Variants in EARS2 observed in about 807,000 individuals in gnomAD.
EARS2 encodes the protein glutamyl-tRNA synthetase 2, mitochondrial.
Under a neutral mutation model 54.1 loss-of-function variants are expected in EARS2, and 50 were observed. The observed-to-expected ratio is 0.92, with a 90% CI of 0.74 to 1.17. The LOEUF (loss-of-function observed/expected upper bound fraction) is 1.17. Among genes scored for constraint, EARS2 ranks in the 50% most tolerant of loss-of-function variants. EARS2 has a pLI of 0.00. For missense variants in EARS2, 673 were observed against 675.0 expected (o/e 1.00, Z 0.03); for synonymous variants, 298 against 281.0 (o/e 1.06, Z -0.61).
At position 23,544,680 on chromosome 16, in the gene EARS2, G is replaced by A. The variant is rs1355685453; in HGVS notation, c.319C>T (p.Arg107Cys). Residue 107 changes from arginine (R) to cysteine (C), a missense_variant, in exon 3 of 9, where the codon CGC becomes TGC. By Grantham distance (180) the Arg-to-Cys change is radical. Transcript: ENST00000449606. ...TAGGGCCCAGCAGGACCGCCCCGGC[G>A]GGGGCTCTCATCAGGCGGGATGCCT... The part of the protein sequence containing the change: ...WAGIPPDESP[R>C]RGGPAGPYQQ... 8.1e-6 allele frequency: 13 copies of A among 1,605,774 alleles called. No homozygotes were observed. The highest frequency in any genetic ancestry group is 5.1e-5 in the Admixed American group (3 of 58,644).
Position 23,557,347 on chromosome 16 carries a change from G to C in EARS2, c.-4C>G, listed in dbSNP as rs1965818789. On this transcript the variant is annotated 5_prime_UTR_variant, in exon 1 of 9. Transcript: ENST00000449606. The stretch of plus-strand genomic sequence containing the variant: ...GTCTCCTCAGGAGCGCCGCCATGTG[G>C]GATGGAATAGCACACGTGGGCTTCT... The C allele has an allele frequency of 6.5e-7, 1 of 1,542,386 alleles. No homozygotes were observed. Among genetic ancestry groups the C allele is most frequent in the African/African-American group, 1.4e-5 (1 of 73,602 alleles).
chr16:23,521,137 T>C lies in EARS2; in HGVS notation c.*3234A>G, dbSNP rs946022540. Among the ~76,000 whole-genome samples, 1 of 152,180 alleles carries C rather than the reference T, an allele frequency of 6.6e-6. No individual in the cohort carries two copies. The highest frequency in any genetic ancestry group is 1.5e-5 in the Non-Finnish European group (1 of 68,036). On this transcript the variant is annotated 3_prime_UTR_variant, in exon 9 of 9. Transcript: ENST00000449606. ...AACTGTGGTAAAATACAGAAAAATA[T>C]AAAATTTACCATCTCAGTCATTTTT...
At chr16:23,529,374 G>A in intron 7 of EARS2, 128 bp downstream of exon 7, 2 of 1,235,376 alleles carry the variant, frequency 1.6e-6, no homozygotes, top group Non-Finnish European at 2.2e-6. Context: ...GCCAGTGAAG[G>A]GTCACTTCTT....
chr16:23,544,396 G>C, intron 3 of EARS2, 118 bp downstream of exon 3: 1 of 1,074,098 alleles, frequency 9.3e-7, no homozygotes, highest in East Asian at 2.6e-5. Context: ...GCCACGCTCA[G>C]ATGCCTGACC....
rs2073951 is a variant in EARS2 at position 23,535,240 on chromosome 16, G to T, written c.606C>A (p.Val202=). The change falls in exon 4 of 9, where the codon GTC becomes GTA. Residue 202 remains valine (V), a synonymous_variant. Coordinates refer to ENST00000449606, the MANE Select transcript of EARS2 (RefSeq NM_001083614.2). ...EQVVPAFQDL[V]YGWNRHEVAS... ...CCACTTCATGCCTATTCCAGCCATA[G>T]ACCAGGTCCTGGAAGGCTGGCACCA... The T allele has an allele frequency of 6.2e-7, 1 of 1,612,876 alleles. No homozygotes were observed. Among genetic ancestry groups the T allele is most frequent in the Admixed American group, 1.7e-5 (1 of 60,004 alleles).
Position 23,525,396 on chromosome 16 carries a change from A to G in EARS2, c.1353-17T>C, listed in dbSNP as rs1282031069. 2 of 1,608,402 alleles carry G rather than the reference A, an allele frequency of 1.2e-6. No individual in the cohort carries two copies. The highest frequency in any genetic ancestry group is 1.7e-6 in the Non-Finnish European group (2 of 1,177,290). ...TCTAGAAGCCTAGAAGAAGAGGGCCAGTTTACAGGGCCTGCATGGGCCAAT... is the reference window on the plus strand; with the variant it reads ...TCTAGAAGCCTAGAAGAAGAGGGCCGGTTTACAGGGCCTGCATGGGCCAAT... On this transcript the variant is annotated splice_polypyrimidine_tract_variant and intron_variant, in intron 7 of 8. Coordinates refer to ENST00000449606, the MANE Select transcript of EARS2 (RefSeq NM_001083614.2).
At chr16:23,552,433 G>A (rs1279125662) in intron 1 of EARS2, 129 bp from the exon 2 acceptor site, 8 of 1,051,902 alleles carry the variant, frequency 7.6e-6, no homozygotes, top group African/African-American at 1.6e-5. Context: ...ATTGGCTCAC[G>A]CCTGTAATCC....
chr16:23,542,121 G>A (rs1472951209), intron 3 of EARS2, among the ~76,000 whole-genome samples: 2 of 150,470 alleles, frequency 1.3e-5, no homozygotes, highest in African/African-American at 2.5e-5. Context: ...GCTTCCCAAC[G>A]TACGGGGATT....
chr16:23,552,895 G>C (rs1374040132), intron 1 of EARS2: 1 of 184,538 alleles, frequency 5.4e-6, no homozygotes, highest in Admixed American at 5.9e-5. Flanking sequence ...CAAAGTGCTG[G>C]GATTACAAGC....
chr16:23,537,968 A>AT (rs1555503618), intron 3 of EARS2, among the ~76,000 whole-genome samples: 3 of 149,994 alleles, frequency 2.0e-5, no homozygotes, highest in Middle Eastern at 3.2e-3. Flanking sequence ...TAATTTTTGT[A>AT]TTTTTTTTAG....
At chr16:23,550,747 T>C (rs957996270) in intron 2 of EARS2, 4 of 152,232 alleles carry the variant, frequency 2.6e-5, no homozygotes, top group Admixed American at 2.6e-4. Context: ...AACCATTTTA[T>C]ACTCTTTAGG....
intron 2 of EARS2, among the ~76,000 whole-genome samples, chr16:23,548,597 T>C (rs988411565): frequency 1.2e-4 from 19 of 152,156 alleles, no homozygotes; most frequent in African/African-American, 4.3e-4. Flanking sequence ...AGCCTTTTTT[T>C]TTTGAGACAG....
chr16:23,547,913 A>G (rs1275627479), intron 2 of EARS2, among the ~76,000 whole-genome samples: 3 of 150,496 alleles, frequency 2.0e-5, no homozygotes, highest in African/African-American at 7.3e-5. Flanking sequence ...CCTGGGCAAC[A>G]TGGTGAAACA....
At position 23,529,753 on chromosome 16, in the gene EARS2, C is replaced by G; in HGVS notation, c.1212G>C (p.Leu404=). Residue 404 remains leucine (L), a synonymous_variant, in exon 6 of 9, where the codon CTG becomes CTC. Transcript: ENST00000449606. ...AATCCTGACACCACACCTGTCTCAG[C>G]AGGAGGATCCTCTCCACGTAGACTG... ...LNPVYVERIL[L]LRQGHICRLQ... 6.2e-7 allele frequency: 1 copy of G among 1,614,164 alleles called. No homozygotes were observed. The highest frequency in any genetic ancestry group is 1.6e-4 in the Middle Eastern group (1 of 6,062).
In EARS2 at chr16:23,520,849, T is replaced by C. The variant is rs1453165075; in HGVS notation, c.*3522A>G. On this transcript the variant is annotated 3_prime_UTR_variant, in exon 9 of 9. Coordinates refer to ENST00000449606, the MANE Select transcript of EARS2 (RefSeq NM_001083614.2). ...TGTTCCCCAGGCTGGAGTACAATGG[T>C]GTGATCTTGGCTCACTGCAACCTCC... 6.6e-6 allele frequency among the ~76,000 whole-genome samples: 1 copy of C among 152,136 alleles called. No homozygotes were observed. The highest frequency in any genetic ancestry group is 1.5e-5 in the Non-Finnish European group (1 of 68,026).
intron 7 of EARS2, among the ~76,000 whole-genome samples, chr16:23,527,067 A>T (rs1178103081): frequency 6.6e-6 from 1 of 152,064 alleles, no homozygotes; most frequent in Non-Finnish European, 1.5e-5. Context: ...GGCTCAAACG[A>T]TCCTCCCACC....
intron 1 of EARS2, among the ~76,000 whole-genome samples, chr16:23,555,745 G>C (rs1163795686): frequency 6.6e-6 from 1 of 152,238 alleles, no homozygotes; most frequent in Non-Finnish European, 1.5e-5. Flanking sequence ...CTGCAGTGCG[G>C]TGGCACGATC....
At chr16:23,530,936 G>A (rs1203715357) in intron 5 of EARS2, among the ~76,000 whole-genome samples, 4 of 151,826 alleles carry the variant, frequency 2.6e-5, no homozygotes, top group Non-Finnish European at 4.4e-5. Context: ...TTGTTGCCCA[G>A]GCTGGAGTGC....
intron 7 of EARS2, among the ~76,000 whole-genome samples, chr16:23,526,048 G>A (rs914154050): frequency 1.3e-5 from 2 of 150,082 alleles, no homozygotes; most frequent in African/African-American, 4.9e-5. Context: ...GGCTATCGTA[G>A]AGAGTTAAAA....
Sources: gnomAD v4.1 joint callset for allele counts (sites outside exome capture counted in the v4.1 genomes callset) on GRCh38, gnomAD v4.1.1 for gene constraint, MANE v1.5 for transcripts, NCBI Gene and HGNC (gene_info 2026-07-23, HGNC 2026-07-21) for gene names.